The following BRIP1 variants were observed in gnomAD, a reference collection of about 807,000 sequenced individuals.
BRIP1 encodes BRCA1 interacting DNA helicase 1.
In BRIP1, 88 loss-of-function variants were observed where a neutral mutation model predicts 119.7. That is an observed-to-expected ratio of 0.74 (90% CI 0.62 to 0.88). BRIP1 has a LOEUF of 0.88. BRIP1 is among the 40% of genes least tolerant of loss of function. BRIP1 has a pLI of 0.00. For synonymous variants in BRIP1, 443 were observed against 496.5 expected, an observed-to-expected ratio of 0.89 and a Z score of 1.43; for missense variants, 1,259 against 1,455.4, an observed-to-expected ratio of 0.87 and a Z score of 2.20.
Position 61,730,050 on chromosome 17 carries a change from G to C in BRIP1, c.2379+12963C>G, listed in dbSNP as rs1245637980. The stretch of plus-strand genomic sequence containing the variant: ...TCACAAATCTGGTATACTTGATGCA[G>C]TAGGAAAATACACTGAGTTATTTGT... On this transcript the variant is annotated intron_variant, in intron 16 of 19. Coordinates refer to ENST00000259008, the MANE Select transcript of BRIP1 (RefSeq NM_032043.3). The surrounding 1 kb of genome is among the most constrained non-coding windows in gnomAD (Gnocchi z 4.3). 2.6e-5 allele frequency among the ~76,000 whole-genome samples: 4 copies of C among 152,226 alleles called. No individual in the cohort carries two copies. Among genetic ancestry groups the C allele is most frequent in the Admixed American group, 2.6e-4 (4 of 15,286 alleles).
At position 61,843,300 on chromosome 17, in the gene BRIP1, A is replaced by G. The variant is rs1256523420; in HGVS notation, c.627+3801T>C. ...GTCTAGAGATCTAATGAACAGCATC[A>G]TGACAACAGTTAATAATACTATATT... is the stretch of plus-strand genomic sequence containing the variant. On this transcript the variant is annotated intron_variant, in intron 6 of 19. Coordinates refer to ENST00000259008, the MANE Select transcript of BRIP1 (RefSeq NM_032043.3). This position sits in a 1 kb window ranked among gnomAD's most constrained non-coding sequence, Gnocchi z 5.7. Among the ~76,000 whole-genome samples, 1 of 152,212 alleles carries G rather than the reference A, an allele frequency of 6.6e-6. No individual in the cohort carries two copies. Among genetic ancestry groups the G allele is most frequent in the Non-Finnish European group, 1.5e-5 (1 of 68,038 alleles).
chr17:61,779,319 G>A (rs761862038), intron 13 of BRIP1, among the ~76,000 whole-genome samples: 1 of 152,224 alleles, frequency 6.6e-6, no homozygotes, highest in Non-Finnish European at 1.5e-5. Flanking sequence ...GTACATGCCT[G>A]TAGTCCCAGC....
rs1000334106 is a variant in BRIP1 at position 61,700,621 on chromosome 17, A to C, written c.2493-7109T>G. Among the ~76,000 whole-genome samples, 1 of 152,204 alleles carries C rather than the reference A, an allele frequency of 6.6e-6. No individual in the cohort carries two copies. The highest frequency in any genetic ancestry group is 1.5e-5 in the Non-Finnish European group (1 of 68,024). ...TGGCTGTTTGATTTCAACCATCTAG[A>C]TAGGAATCTCCCTGAGTTCATCCTA... On this transcript the variant is annotated intron_variant, in intron 17 of 19. Coordinates refer to ENST00000259008, the MANE Select transcript of BRIP1 (RefSeq NM_032043.3). This position sits in a 1 kb window ranked among gnomAD's most constrained non-coding sequence, Gnocchi z 4.1.
chr17:61,693,437 A>G lies in BRIP1; in HGVS notation c.2568T>C (p.Tyr856=), dbSNP rs370175724. Reference sequence around the variant, plus strand: ...GCCCAGCTGAGATCTTACCAGATATATAGCGACTTGGGTTATTCCTAAAGC... The same window carrying G: ...GCCCAGCTGAGATCTTACCAGATATGTAGCGACTTGGGTTATTCCTAAAGC... ...DDRFRNNPSR[Y]ISGLSKWVRQ... The change falls in exon 18 of 20, where the codon TAT becomes TAC. Residue 856 remains tyrosine, a synonymous_variant. Coordinates refer to ENST00000259008, the MANE Select transcript of BRIP1 (RefSeq NM_032043.3). This position sits in a 1 kb window ranked among gnomAD's most constrained non-coding sequence, Gnocchi z 4.2. 5.6e-6 allele frequency: 9 copies of G among 1,612,700 alleles called. No homozygotes were observed. The African/African-American group carries it at 9.3e-5, about 17-fold the overall frequency.
chr17:61,820,685 C>T (rs2078307010), intron 6 of BRIP1, among the ~76,000 whole-genome samples: 1 of 152,190 alleles, frequency 6.6e-6, no homozygotes, highest in African/African-American at 2.4e-5. Context: ...CACAGTGGCT[C>T]ACGCCTGTAA....
chr17:61,721,772 A>C (rs1258982393), intron 16 of BRIP1, among the ~76,000 whole-genome samples: 1 of 131,592 alleles, frequency 7.6e-6, no homozygotes, highest in African/African-American at 3.0e-5. Flanking sequence ...ATCTCAGCTC[A>C]CTGCAACCTC....
chr17:61,758,247 C>T lies in BRIP1; in HGVS notation c.2098-13656G>A, dbSNP rs1434207861. On this transcript the variant is annotated intron_variant, in intron 14 of 19. Coordinates refer to ENST00000259008, the MANE Select transcript of BRIP1 (RefSeq NM_032043.3). The surrounding 1 kb of genome is among the most constrained non-coding windows in gnomAD (Gnocchi z 5.3). ...ATCTGAATGTATAAACTTATTCACA[C>T]AAATTCAACTATATGTTTCATTCTT... Among the ~76,000 whole-genome samples, 1 of 152,138 alleles carries T rather than the reference C, an allele frequency of 6.6e-6. No individual in the cohort carries two copies. The highest frequency in any genetic ancestry group is 1.9e-4 in the East Asian group (1 of 5,198).
chr17:61,808,614 A>G lies in BRIP1; in HGVS notation c.771T>C (p.Ala257=). Residue 257 remains alanine (A), a synonymous_variant, in exon 7 of 20, where the codon GCT becomes GCC. Coordinates refer to ENST00000259008, the MANE Select transcript of BRIP1 (RefSeq NM_032043.3). The surrounding 1 kb of genome is among the most constrained non-coding windows in gnomAD (Gnocchi z 4.1). ...YFGTRTHKQI[A]QITRELRRTA... is the part of the protein sequence containing the mutation. ...TCCTCCGGAGCTCTCTAGTAATCTG[A>G]GCAATCTGCTTGTGTGTGCGTGTCC... 1 of 1,613,976 alleles carries G rather than the reference A, an allele frequency of 6.2e-7. No homozygotes were observed. The highest frequency in any genetic ancestry group is 8.5e-7 in the Non-Finnish European group (1 of 1,179,948).
In BRIP1 at chr17:61,748,381, C is replaced by A. The variant is rs895010191; in HGVS notation, c.2098-3790G>T. On this transcript the variant is annotated intron_variant, in intron 14 of 19. Coordinates refer to ENST00000259008, the MANE Select transcript of BRIP1 (RefSeq NM_032043.3). This position sits in a 1 kb window ranked among gnomAD's most constrained non-coding sequence, Gnocchi z 4.7. ...TCCCTGGTGCTAAGAAGGTTGGGGA[C>A]CATTGATTTTAAAGACTAATACAAA... is the stretch of plus-strand genomic sequence containing the variant. Among the ~76,000 whole-genome samples, 1 of 152,094 alleles carries A rather than the reference C, an allele frequency of 6.6e-6. No individual in the cohort carries two copies. The highest frequency in any genetic ancestry group is 2.4e-5 in the African/African-American group (1 of 41,404).
In BRIP1 at chr17:61,743,097, C is replaced by T. The variant is rs752509701; in HGVS notation, c.2295G>A (p.Val765=). 2 of 1,613,834 alleles carry T rather than the reference C, an allele frequency of 1.2e-6. No homozygotes were observed. The highest frequency in any genetic ancestry group is 1.3e-5 in the African/African-American group (1 of 74,914). Residue 765 remains valine, a synonymous_variant, in exon 16 of 20, where the codon GTG becomes GTA. Coordinates refer to ENST00000259008, the MANE Select transcript of BRIP1 (RefSeq NM_032043.3). This position sits in a 1 kb window ranked among gnomAD's most constrained non-coding sequence, Gnocchi z 4.3. ...CATCTGAGAAATCCAGACCCTCACT[C>T]ACTTTACCACGACAAACTGCTACCA... ...ALLVAVCRGK[V]SEGLDFSDDN...
At position 61,743,047 on chromosome 17, in the gene BRIP1, A is replaced by G. The variant is rs778758437; in HGVS notation, c.2345T>C (p.Ile782Thr). 3 of 1,613,896 alleles carry G rather than the reference A, an allele frequency of 1.9e-6. No individual in the cohort carries two copies. In the East Asian group the frequency reaches 6.7e-5, roughly 36 times the overall value. The change falls in exon 16 of 20, where the codon ATA (isoleucine) becomes ACA (threonine). Residue 782 changes from isoleucine (I) to threonine (T), a missense_variant. Ile to Thr is a moderately conservative substitution (Grantham distance 89). Transcript: ENST00000259008. The surrounding 1 kb of genome is among the most constrained non-coding windows in gnomAD (Gnocchi z 4.3). Reference protein sequence around the residue: ...SDDNARAVITIGIPFPNVKDL... With the variant: ...SDDNARAVITTGIPFPNVKDL... ...TTTCACATTTGGAAAAGGAATTCCT[A>G]TTGTTATGACAGCACGGGCATTGTC...
intron 6 of BRIP1, among the ~76,000 whole-genome samples, chr17:61,811,407 G>C (rs1011293414): frequency 2.6e-5 from 4 of 151,600 alleles, no homozygotes; most frequent in Non-Finnish European, 5.9e-5. Flanking sequence ...GTTTTTATTA[G>C]AGATGGGGTT....
rs558092518 is a variant in BRIP1 at position 61,739,100 on chromosome 17, G to C, written c.2379+3913C>G. On this transcript the variant is annotated intron_variant, in intron 16 of 19. Transcript: ENST00000259008. The surrounding 1 kb of genome is among the most constrained non-coding windows in gnomAD (Gnocchi z 6.0). ...ATTGTATTTTATTAAGATATTGGAA[G>C]AAGATGTGGTCTAAAGAAGGGAAAA... 5.7e-6 allele frequency: 1 copy of C among 176,128 alleles called. No homozygotes were observed. The highest frequency in any genetic ancestry group is 9.8e-5 in the East Asian group (1 of 10,192). The allele number at this position is 176,128 out of a possible 1,614,324, so 10.9% of individuals were successfully genotyped here. A position where few individuals can be genotyped will look rare whatever the true frequency, so the allele number is the denominator to read the frequency against.
At position 61,808,952 on chromosome 17, in the gene BRIP1, TAA is replaced by T. The variant is rs2078122247; in HGVS notation, c.628-197_628-196del. ...TAAAATTGGTCCTCATTCTTTCTTT[TAA>T]AAGTTATAAATGATATTTCCAAATT... On this transcript the variant is annotated intron_variant, in intron 6 of 19. Coordinates refer to ENST00000259008, the MANE Select transcript of BRIP1 (RefSeq NM_032043.3). The surrounding 1 kb of genome is among the most constrained non-coding windows in gnomAD (Gnocchi z 4.1). 1.3e-5 allele frequency among the ~76,000 whole-genome samples: 2 copies of T among 152,138 alleles called. No homozygotes were observed. The highest frequency in any genetic ancestry group is 6.5e-5 in the Admixed American group (1 of 15,276).
chr17:61,683,161 T>C lies in BRIP1; in HGVS notation c.*135A>G, dbSNP rs775842351. On this transcript the variant is annotated 3_prime_UTR_variant, in exon 20 of 20. Coordinates refer to ENST00000259008, the MANE Select transcript of BRIP1 (RefSeq NM_032043.3). This position sits in a 1 kb window ranked among gnomAD's most constrained non-coding sequence, Gnocchi z 4.7. ...AAAAAACCCAAAAACTCAAGAATAA[T>C]AACATTTACATTTCTGAACATAAAA... 4.4e-5 allele frequency: 49 copies of C among 1,121,948 alleles called. No individual in the cohort carries two copies. The highest frequency in any genetic ancestry group is 5.8e-5 in the Non-Finnish European group (46 of 794,584). 69.5% of individuals were successfully genotyped at this position (1,121,948 alleles called of 1,614,324 possible). A position where few individuals can be genotyped will look rare whatever the true frequency, so the allele number is the denominator to read the frequency against.
chr17:61,853,714 C>G lies in BRIP1; in HGVS notation c.379+3344G>C, dbSNP rs2078855653. On this transcript the variant is annotated intron_variant, in intron 4 of 19. Coordinates refer to ENST00000259008, the MANE Select transcript of BRIP1 (RefSeq NM_032043.3). This position sits in a 1 kb window ranked among gnomAD's most constrained non-coding sequence, Gnocchi z 4.3. ...CACATGCAAAAAAATGAACTTGAAT[C>G]CATACCTTACACCATATACACATAT... Among the ~76,000 whole-genome samples, 1 of 152,250 alleles carries G rather than the reference C, an allele frequency of 6.6e-6. No homozygotes were observed. The highest frequency in any genetic ancestry group is 6.5e-5 in the Admixed American group (1 of 15,292).
chr17:61,770,167 G>C lies in BRIP1; in HGVS notation c.2097+6234C>G, dbSNP rs1005529993. On this transcript the variant is annotated intron_variant, in intron 14 of 19. Transcript: ENST00000259008. This position sits in a 1 kb window ranked among gnomAD's most constrained non-coding sequence, Gnocchi z 4.7. ...CATCTAATCTTATGATATGAATGAA[G>C]AGCTCAGAAACACTTGTGAAGGTCA... 6.6e-6 allele frequency among the ~76,000 whole-genome samples: 1 copy of C among 152,180 alleles called. No homozygotes were observed. The highest frequency in any genetic ancestry group is 2.4e-5 in the African/African-American group (1 of 41,440).
In BRIP1 at chr17:61,748,994, G is replaced by A. The variant is rs555131972; in HGVS notation, c.2098-4403C>T. ...CTACTAAAAATACAAAAAATTAGCC[G>A]GGCATGGTGGCGCACGCCTGTAGTC... On this transcript the variant is annotated intron_variant, in intron 14 of 19. Transcript: ENST00000259008. The surrounding 1 kb of genome is among the most constrained non-coding windows in gnomAD (Gnocchi z 4.7). 3.2e-4 allele frequency among the ~76,000 whole-genome samples: 48 copies of A among 152,040 alleles called. No homozygotes were observed. The South Asian group carries it at 4.4e-3, about 14-fold the overall frequency.
intron 6 of BRIP1, among the ~76,000 whole-genome samples, chr17:61,835,940 C>G (rs1033003864): frequency 1.3e-5 from 2 of 151,982 alleles, no homozygotes; most frequent in African/African-American, 4.8e-5. Context: ...TAAAAATATC[C>G]TTATAAATTT....
Sources: allele counts gnomAD v4.1 joint callset (sites outside exome capture counted in the v4.1 genomes callset), GRCh38; gene constraint gnomAD v4.1.1; non-coding constraint Gnocchi (gnomAD v3.1); transcripts MANE v1.5; gene names NCBI Gene and HGNC (gene_info 2026-07-23, HGNC 2026-07-21).